DTNB: variants seen among roughly 807,000 people sequenced by gnomAD.
DTNB encodes the protein dystrobrevin beta.
DTNB carries 63 observed loss-of-function variants against 90.7 expected under a neutral mutation model. The observed-to-expected ratio is 0.69, with a 90% CI of 0.57 to 0.86. The LOEUF is 0.86. Ranked by LOEUF, DTNB falls within the 40% of genes least tolerant of loss-of-function variation. The pLI is 0.00. For missense variants in DTNB, 744 were observed against 807.1 expected (o/e 0.92, Z 0.95); for synonymous variants, 277 against 286.7 (o/e 0.97, Z 0.34).
intron 8 of DTNB, among the ~76,000 whole-genome samples, chr2:25,550,205 C>T (rs959782326): frequency 1.3e-5 from 2 of 152,058 alleles, no homozygotes; most frequent in African/African-American, 2.4e-5. Flanking sequence ...TCCTGGCTAA[C>T]ACGGTGAAAC....
intron 10 of DTNB, among the ~76,000 whole-genome samples, chr2:25,470,271 A>ATAATCAGTG (rs1350586891): frequency 6.6e-6 from 1 of 152,180 alleles, no homozygotes; most frequent in Admixed American, 6.5e-5. Flanking sequence ...AACACCCAGA[A>ATAATCAGTG]TAATCAGTGA....
In DTNB at chr2:25,596,192, T is replaced by C; in HGVS notation, c.497A>G (p.Lys166Arg). The C allele has an allele frequency of 2.3e-5, 37 of 1,613,346 alleles. No individual in the cohort carries two copies. Among genetic ancestry groups the C allele is most frequent in the Non-Finnish European group, 3.1e-5 (37 of 1,179,624 alleles). The change falls in exon 6 of 21, where the codon AAG becomes AGG. Residue 166 changes from lysine to arginine, a missense_variant. Coordinates refer to ENST00000406818, the MANE Select transcript of DTNB (RefSeq NM_021907.5). ...SDSNGLMIFS[K>R]FDQFLKEVLK... ...AACTTCCTTCAGAAACTGGTCAAACTTGCTAAATATCATTAAGCCATTGGA... is the reference window on the plus strand; with the variant it reads ...AACTTCCTTCAGAAACTGGTCAAACCTGCTAAATATCATTAAGCCATTGGA...
At chr2:25,647,541 A>G (rs1381556849) in intron 2 of DTNB, among the ~76,000 whole-genome samples, 1 of 152,210 alleles carries the variant, frequency 6.6e-6, no homozygotes, top group South Asian at 2.1e-4. Flanking sequence ...CAATTAAGCT[A>G]TACAGGTTTT....
chr2:25,434,708 T>C (rs1223993989), intron 12 of DTNB, among the ~76,000 whole-genome samples: 4 of 152,158 alleles, frequency 2.6e-5, no homozygotes. Flanking sequence ...ATGTTTTCAT[T>C]TCTCTTGGGT....
chr2:25,560,738 A>T (rs1263023135), intron 8 of DTNB, among the ~76,000 whole-genome samples: 1 of 152,074 alleles, frequency 6.6e-6, no homozygotes, highest in African/African-American at 2.4e-5. Context: ...TGCCCACCCT[A>T]TTGAGTCTGT....
At chr2:25,531,273 A>C (rs900443630) in intron 9 of DTNB, among the ~76,000 whole-genome samples, 200 bp downstream of exon 9, 4 of 152,254 alleles carry the variant, frequency 2.6e-5, no homozygotes, top group Non-Finnish European at 5.9e-5. Context: ...AGGCTTCAGC[A>C]ATCAGGAGCT....
chr2:25,559,278 A>G (rs1354276113), intron 8 of DTNB, among the ~76,000 whole-genome samples: 1 of 149,748 alleles, frequency 6.7e-6, no homozygotes, highest in Non-Finnish European at 1.5e-5. Flanking sequence ...AGGCTTACGC[A>G]TCAACCTCTT....
intron 10 of DTNB, among the ~76,000 whole-genome samples, chr2:25,472,037 A>G (rs375006648): frequency 1.3e-5 from 2 of 152,300 alleles, no homozygotes; most frequent in East Asian, 1.9e-4. Context: ...GAAATAACTG[A>G]AAAAGAAAAT....
chr2:25,632,184 C>A (rs2075894142), intron 3 of DTNB, among the ~76,000 whole-genome samples: 2 of 122,944 alleles, frequency 1.6e-5, no homozygotes, highest in Admixed American at 8.9e-5. Context: ...CAGAACGTGA[C>A]TCTGTCTCAA....
intron 9 of DTNB, among the ~76,000 whole-genome samples, chr2:25,486,274 G>A (rs1272460926): frequency 6.6e-6 from 1 of 152,048 alleles, no homozygotes; most frequent in African/African-American, 2.4e-5. Flanking sequence ...ACCAGCCTGG[G>A]CAACATAGCG....
rs1341741151 is a variant in DTNB at position 25,421,697 on chromosome 2, T to C, written c.1555-2162A>G. Among the ~76,000 whole-genome samples, 5 of 152,216 alleles carry C rather than the reference T, an allele frequency of 3.3e-5. No homozygotes were observed. In the East Asian group the frequency reaches 9.6e-4, roughly 29 times the overall value. On this transcript the variant is annotated intron_variant, in intron 15 of 20. Transcript: ENST00000406818. ...CCGAGGTCAAAAGACCAGTATGTAATTTCTTAGAACTGTTTCTAAGACATC... is the reference window on the plus strand; with the variant it reads ...CCGAGGTCAAAAGACCAGTATGTAACTTCTTAGAACTGTTTCTAAGACATC...
chr2:25,378,719 G>A (rs1330373230), intron 20 of DTNB, among the ~76,000 whole-genome samples: 2 of 152,218 alleles, frequency 1.3e-5, no homozygotes, highest in Admixed American at 6.5e-5. Context: ...TGCCACTGGA[G>A]CAGTCCGTAC....
chr2:25,452,204 T>C (rs1010757312), intron 11 of DTNB, among the ~76,000 whole-genome samples: 1 of 152,184 alleles, frequency 6.6e-6, no homozygotes, highest in Non-Finnish European at 1.5e-5. Context: ...TGGAGTTAAT[T>C]AGTTTAATGC....
intron 8 of DTNB, among the ~76,000 whole-genome samples, chr2:25,547,132 A>T (rs779997768): frequency 6.6e-6 from 1 of 152,096 alleles, no homozygotes; most frequent in Non-Finnish European, 1.5e-5. Context: ...TATAGCAATG[A>T]GCCACCACAC....
intron 12 of DTNB, among the ~76,000 whole-genome samples, chr2:25,444,606 G>A (rs181306619): frequency 6.6e-6 from 1 of 151,670 alleles, no homozygotes; most frequent in Non-Finnish European, 1.5e-5. Context: ...TATAAGCAAC[G>A]TGAAATGTCT....
chr2:25,492,026 T>G (rs973272269), intron 9 of DTNB, among the ~76,000 whole-genome samples: 29 of 151,994 alleles, frequency 1.9e-4, no homozygotes, highest in African/African-American at 5.8e-4. Context: ...GTCATTCGAG[T>G]GTACTGTCTA....
intron 9 of DTNB, among the ~76,000 whole-genome samples, chr2:25,523,641 C>CAAA (rs763301694): frequency 4.3e-5 from 4 of 92,284 alleles, no homozygotes; most frequent in African/African-American, 1.5e-4. Context: ...ACTCTGTCTC[C>CAAA]AAAAAAAAAA....
chr2:25,429,487 T>C (rs2053112967), intron 14 of DTNB, among the ~76,000 whole-genome samples: 2 of 152,178 alleles, frequency 1.3e-5, no homozygotes, highest in Non-Finnish European at 2.9e-5. Context: ...CCAAATCTTA[T>C]TCATTCCGTA....
At chr2:25,402,009 T>C (rs1216586229) in intron 16 of DTNB, among the ~76,000 whole-genome samples, 1 of 152,214 alleles carries the variant, frequency 6.6e-6, no homozygotes, top group East Asian at 1.9e-4. Context: ...GCTGCAAGTC[T>C]GAAATTTAGG....
Sources: allele counts gnomAD v4.1 joint callset (sites outside exome capture counted in the v4.1 genomes callset), GRCh38; gene constraint gnomAD v4.1.1; transcripts MANE v1.5; gene names NCBI Gene and HGNC (gene_info 2026-07-23, HGNC 2026-07-21).